The following ZNF462 variants were observed in gnomAD, a reference collection of about 807,000 sequenced individuals.
The protein encoded by ZNF462 is zinc finger PBX1-interacting protein.
Under a neutral mutation model 201.9 loss-of-function variants are expected in ZNF462, and 10 were observed. The ratio of observed to expected loss-of-function variants is 0.05; its 90% confidence interval spans 0.03 to 0.08. The LOEUF is 0.08. Ranked by LOEUF, ZNF462 falls within the 10% of genes least tolerant of loss-of-function variation. The pLI is 1.00. For missense variants in ZNF462, 2,523 were observed against 3,168.3 expected (o/e 0.80, Z 4.89); for synonymous variants, 1,227 against 1,193.3 (o/e 1.03, Z -0.58).
In ZNF462 at chr9:107,010,672, T is replaced by C; in HGVS notation, c.7314-151T>C. 1.5e-6 allele frequency: 1 copy of C among 674,404 alleles called. No homozygotes were observed. The highest frequency in any genetic ancestry group is 2.2e-5 in the South Asian group (1 of 45,180). 41.8% of individuals were successfully genotyped at this position (674,404 alleles called of 1,614,324 possible). A position where few individuals can be genotyped will look rare whatever the true frequency, so the allele number is the denominator to read the frequency against. On this transcript the variant is annotated intron_variant, in intron 12 of 12. Transcript: ENST00000277225. This position sits in a 1 kb window ranked among gnomAD's most constrained non-coding sequence, Gnocchi z 4.6. ...CAGGGATGCATCACTTGGTATTTTG[T>C]CATACACCCATGGCATTTGTTCAAA...
chr9:106,937,993 T>C (rs933947808), intron 6 of ZNF462, among the ~76,000 whole-genome samples: 4 of 152,196 alleles, frequency 2.6e-5, no homozygotes, highest in African/African-American at 9.6e-5. Context: ...AAAAGCAAAA[T>C]GGCTTTCTGA....
chr9:106,926,042 C>T lies in ZNF462; in HGVS notation c.2130C>T (p.Thr710=). The change falls in exon 3 of 13, where the codon ACC becomes ACT. Residue 710 remains threonine (T), a synonymous_variant. Transcript: ENST00000277225. The surrounding 1 kb of genome is among the most constrained non-coding windows in gnomAD (Gnocchi z 7.9). ...ACCTTCAGAGCAAAATTAACCAAAC[C>T]AAACAGCAGGAAGATGCAGTGATCA... The part of the protein sequence containing the change: ...ASNLQSKINQ[T]KQQEDAVINV... 1 of 1,614,152 alleles carries T rather than the reference C, an allele frequency of 6.2e-7. No homozygotes were observed. The highest frequency in any genetic ancestry group is 1.1e-5 in the South Asian group (1 of 91,068).
rs933117814 is a variant in ZNF462, at chr9:107,003,938, A to T, written c.7189+512A>T. Among the ~76,000 whole-genome samples, 1 of 152,092 alleles carries T rather than the reference A, an allele frequency of 6.6e-6. No individual in the cohort carries two copies. Among genetic ancestry groups the T allele is most frequent in the African/African-American group, 2.4e-5 (1 of 41,420 alleles). On this transcript the variant is annotated intron_variant, in intron 11 of 12. Coordinates refer to ENST00000277225, the MANE Select transcript of ZNF462 (RefSeq NM_021224.6). The surrounding 1 kb of genome is among the most constrained non-coding windows in gnomAD (Gnocchi z 4.4). ...CCTTTGTGCTCTGACTTGCTTTGTA[A>T]GGAGAGAGAAAGAGAGACCACCTCT... is the stretch of plus-strand genomic sequence containing the variant.
intron 7 of ZNF462, among the ~76,000 whole-genome samples, chr9:106,952,773 A>G (rs578248472): frequency 6.6e-6 from 1 of 152,296 alleles, no homozygotes; most frequent in African/African-American, 2.4e-5. Context: ...CTTTGTAAAC[A>G]TTGTTTCATT....
intron 7 of ZNF462, among the ~76,000 whole-genome samples, chr9:106,967,519 C>T (rs1832131215): frequency 6.6e-6 from 1 of 151,774 alleles, no homozygotes; most frequent in Non-Finnish European, 1.5e-5. Context: ...AAAAAAAAGT[C>T]CAATTTCTCC....
chr9:106,923,685 A>C lies in ZNF462; in HGVS notation c.220+82A>C, dbSNP rs1830075680. On this transcript the variant is annotated intron_variant, in intron 2 of 12. Coordinates refer to ENST00000277225, the MANE Select transcript of ZNF462 (RefSeq NM_021224.6). The surrounding 1 kb of genome is among the most constrained non-coding windows in gnomAD (Gnocchi z 5.6). ...TTAGCCTGTAGCCATGGTTCTTAAT[A>C]TACGTGGCTTTTGCAGAGTTTCTTG... The C allele has an allele frequency of 4.8e-6, 7 of 1,450,340 alleles. No individual in the cohort carries two copies. The East Asian group carries it at 1.6e-4, about 33-fold the overall frequency. 89.8% of individuals were successfully genotyped at this position (1,450,340 alleles called of 1,614,324 possible).
Position 106,932,172 on chromosome 9 carries a change from G to T in ZNF462, c.6013-274G>T. The T allele has an allele frequency of 6.6e-7, 1 of 1,505,078 alleles. No individual in the cohort carries two copies. The highest frequency in any genetic ancestry group is 2.5e-5 in the East Asian group (1 of 40,774). 93.2% of individuals were successfully genotyped at this position (1,505,078 alleles called of 1,614,324 possible). Reference sequence around the variant, plus strand: ...TTGACAAGAAGTGCTGTTGAGTTTGGGAGAATGTAGGGAGAAAAAGAAAGC... The same window carrying T: ...TTGACAAGAAGTGCTGTTGAGTTTGTGAGAATGTAGGGAGAAAAAGAAAGC... On this transcript the variant is annotated intron_variant, in intron 4 of 12. Transcript: ENST00000277225. This position sits in a 1 kb window ranked among gnomAD's most constrained non-coding sequence, Gnocchi z 6.8.
At position 106,935,998 on chromosome 9, in the gene ZNF462, A is replaced by T. The variant is rs947555641; in HGVS notation, c.6235+377A>T. Among the ~76,000 whole-genome samples, 1 of 152,232 alleles carries T rather than the reference A, an allele frequency of 6.6e-6. No individual in the cohort carries two copies. Among genetic ancestry groups the T allele is most frequent in the African/African-American group, 2.4e-5 (1 of 41,466 alleles). On this transcript the variant is annotated intron_variant, in intron 6 of 12. Coordinates refer to ENST00000277225, the MANE Select transcript of ZNF462 (RefSeq NM_021224.6). This position sits in a 1 kb window ranked among gnomAD's most constrained non-coding sequence, Gnocchi z 4.1. ...ACTTTCCAGCTAAAATAAAGTTACC[A>T]ACTTAAGGAAGTTAGAAAGGGCAAA...
rs1247041393 is a variant in ZNF462, at chr9:106,872,254, C to G, written c.-31+8899C>G. Among the ~76,000 whole-genome samples, 7 of 152,188 alleles carry G rather than the reference C, an allele frequency of 4.6e-5. No individual in the cohort carries two copies. The highest frequency in any genetic ancestry group is 9.7e-5 in the African/African-American group (4 of 41,446). On this transcript the variant is annotated intron_variant, in intron 1 of 12. Coordinates refer to ENST00000277225, the MANE Select transcript of ZNF462 (RefSeq NM_021224.6). The surrounding 1 kb of genome is among the most constrained non-coding windows in gnomAD (Gnocchi z 4.5). ...AGATACCAGCTACAAGTACTTATCA[C>G]CCAGAATCTTTTCTCTTCAGTGGTT...
chr9:106,924,593 C>T lies in ZNF462; in HGVS notation c.681C>T (p.Ser227=). The change falls in exon 3 of 13, where the codon AGC becomes AGT. Residue 227 remains serine (S), a synonymous_variant. Transcript: ENST00000277225. The surrounding 1 kb of genome is among the most constrained non-coding windows in gnomAD (Gnocchi z 6.2). ...KELPAEVVER[S]ILESMVKPLT... ...TGCCAGCAGAGGTTGTGGAGCGCAGCATCTTAGAGTCTATGGTCAAGCCTT... is the reference window on the plus strand; with the variant it reads ...TGCCAGCAGAGGTTGTGGAGCGCAGTATCTTAGAGTCTATGGTCAAGCCTT... The T allele has an allele frequency of 1.2e-6, 2 of 1,614,170 alleles. No homozygotes were observed. Among genetic ancestry groups the T allele is most frequent in the Non-Finnish European group, 1.7e-6 (2 of 1,180,036 alleles).
At position 106,963,336 on chromosome 9, in the gene ZNF462, TAAAAC is replaced by T. The variant is rs1054640223; in HGVS notation, c.6428-8666_6428-8662del. Reference sequence around the variant, plus strand: ...TGTGTTACACACTGTTTTAATAACTTAAAACAATATATATGTATCTGGACTTAACA... The same window carrying T: ...TGTGTTACACACTGTTTTAATAACTTAATATATATGTATCTGGACTTAACA... On this transcript the variant is annotated intron_variant, in intron 7 of 12. Transcript: ENST00000277225. The surrounding 1 kb of genome is among the most constrained non-coding windows in gnomAD (Gnocchi z 4.7). 9.9e-5 allele frequency among the ~76,000 whole-genome samples: 15 copies of T among 152,122 alleles called. No individual in the cohort carries two copies. Among genetic ancestry groups the T allele is most frequent in the African/African-American group, 3.6e-4 (15 of 41,440 alleles).
chr9:106,977,020 G>A lies in ZNF462; in HGVS notation c.6832+2747G>A, dbSNP rs969878731. Among the ~76,000 whole-genome samples, 1 of 152,066 alleles carries A rather than the reference G, an allele frequency of 6.6e-6. No individual in the cohort carries two copies. The highest frequency in any genetic ancestry group is 2.4e-5 in the African/African-American group (1 of 41,378). On this transcript the variant is annotated intron_variant, in intron 9 of 12. Transcript: ENST00000277225. The surrounding 1 kb of genome is among the most constrained non-coding windows in gnomAD (Gnocchi z 4.6). The stretch of plus-strand genomic sequence containing the variant: ...TGTTGAGTGTTCTAGTAGCTGTGGC[G>A]GCTGAGTTCAAAGACAGAATTATCA...
rs1283003464 is a variant in ZNF462 at position 106,924,883 on chromosome 9, T to C, written c.971T>C (p.Met324Thr). The stretch of plus-strand genomic sequence containing the variant: ...ACCGTCTCCAACTTCAGGGGCTCCA[T>C]GGGCAACTCCATCATGAGACCCAAT... ...NTTVSNFRGS[M>T]GNSIMRPNSS... The change falls in exon 3 of 13, where the codon ATG becomes ACG. Residue 324 changes from methionine to threonine, a missense_variant. Around this residue, in one of 15 missense-constraint regions of ZNF462, gnomAD observed 480 missense variants for 544.4 expected, o/e 0.88. Coordinates refer to ENST00000277225, the MANE Select transcript of ZNF462 (RefSeq NM_021224.6). The surrounding 1 kb of genome is among the most constrained non-coding windows in gnomAD (Gnocchi z 6.2). 1.9e-6 allele frequency: 3 copies of C among 1,614,202 alleles called. No homozygotes were observed. Among genetic ancestry groups the C allele is most frequent in the South Asian group, 2.2e-5 (2 of 91,084 alleles).
Position 106,930,864 on chromosome 9 carries a change from T to C in ZNF462, c.6012+175T>C. The C allele has an allele frequency of 1.4e-6, 1 of 722,278 alleles. No individual in the cohort carries two copies. The highest frequency in any genetic ancestry group is 2.2e-6 in the Non-Finnish European group (1 of 458,656). The allele number at this position is 722,278 out of a possible 1,614,324, so 44.7% of individuals were successfully genotyped here. A position where few individuals can be genotyped will look rare whatever the true frequency, so the allele number is the denominator to read the frequency against. ...TTGCAGGTTGGACCTTCCTCATCTT[T>C]CTGTTCAGGGAAAGGTCGAGTTTCG... is the stretch of plus-strand genomic sequence containing the variant. On this transcript the variant is annotated intron_variant, in intron 4 of 12. Coordinates refer to ENST00000277225, the MANE Select transcript of ZNF462 (RefSeq NM_021224.6). This position sits in a 1 kb window ranked among gnomAD's most constrained non-coding sequence, Gnocchi z 5.8.
chr9:106,937,086 ATTATT>A (rs570057408), intron 6 of ZNF462, among the ~76,000 whole-genome samples: 127 of 152,304 alleles, frequency 8.3e-4, no homozygotes, highest in African/African-American at 3.0e-3. Flanking sequence ...TTCTAGATAG[ATTATT>A]TTATTTTATT....
intron 9 of ZNF462, among the ~76,000 whole-genome samples, chr9:106,982,358 G>A (rs1424231742): frequency 1.3e-5 from 2 of 152,116 alleles, no homozygotes; most frequent in East Asian, 1.9e-4. Context: ...TGCACAGGCT[G>A]GCCCCCCACA....
At chr9:106,961,392 C>A (rs1054810108) in intron 7 of ZNF462, among the ~76,000 whole-genome samples, 2 of 152,100 alleles carry the variant, frequency 1.3e-5, no homozygotes, top group African/African-American at 4.8e-5. Flanking sequence ...TTAAAAAAGA[C>A]CCAGGCTTAT....
At chr9:106,991,267 G>C (rs1588170628) in intron 10 of ZNF462, among the ~76,000 whole-genome samples, 1 of 151,794 alleles carries the variant, frequency 6.6e-6, no homozygotes, top group Non-Finnish European at 1.5e-5. Flanking sequence ...ACTAGTAATG[G>C]ACAACTGGAA....
At position 106,872,078 on chromosome 9, in the gene ZNF462, A is replaced by G. The variant is rs913215315; in HGVS notation, c.-31+8723A>G. 6.6e-6 allele frequency among the ~76,000 whole-genome samples: 1 copy of G among 152,188 alleles called. No individual in the cohort carries two copies. Among genetic ancestry groups the G allele is most frequent in the African/African-American group, 2.4e-5 (1 of 41,446 alleles). ...GTGGTCCAGAATGTTTAGCCATTCTAATCCCTAATTACATCATCCCTCTGT... is the reference window on the plus strand; with the variant it reads ...GTGGTCCAGAATGTTTAGCCATTCTGATCCCTAATTACATCATCCCTCTGT... On this transcript the variant is annotated intron_variant, in intron 1 of 12. Coordinates refer to ENST00000277225, the MANE Select transcript of ZNF462 (RefSeq NM_021224.6). The surrounding 1 kb of genome is among the most constrained non-coding windows in gnomAD (Gnocchi z 4.5).
Sources: gnomAD v4.1 joint callset for allele counts (sites outside exome capture counted in the v4.1 genomes callset) on GRCh38, gnomAD v4.1.1 for gene constraint, gnomAD v4.1.1 regional missense constraint, Gnocchi (gnomAD v3.1) non-coding constraint, MANE v1.5 for transcripts, NCBI Gene and HGNC (gene_info 2026-07-23, HGNC 2026-07-21) for gene names.